Variants in PSMD14 observed in about 807,000 individuals in gnomAD.
The protein encoded by PSMD14 is proteasome 26S subunit, non-ATPase 14.
A neutral mutation model predicts 41.2 loss-of-function variants in PSMD14; 7 were observed. That is an observed-to-expected ratio of 0.17 (90% CI 0.10 to 0.32). PSMD14 has a LOEUF of 0.32. PSMD14 is among the 10% of genes least tolerant of loss of function. The pLI, the probability that PSMD14 is intolerant of heterozygous loss-of-function variation, is 1.00. For missense variants in PSMD14, 139 were observed against 375.6 expected (o/e 0.37, Z 5.21); for synonymous variants, 114 against 122.3 (o/e 0.93, Z 0.45).
At chr2:161,340,729 T>G (rs1682941090) in intron 3 of PSMD14, 1 of 1,601,718 alleles carries the variant, frequency 6.2e-7, no homozygotes, top group East Asian at 2.2e-5. Context: ...CTGCCCAGAC[T>G]CCTCTCTGGG....
rs948931947 is a variant in PSMD14, at chr2:161,324,946, C to T, written c.48+6073C>T. Among the ~76,000 whole-genome samples the T allele has an allele frequency of 2.6e-5, 4 of 152,088 alleles. No homozygotes were observed. The East Asian group carries it at 5.8e-4, about 22-fold the overall frequency. On this transcript the variant is annotated intron_variant, in intron 3 of 11. Coordinates refer to ENST00000409682, the MANE Select transcript of PSMD14 (RefSeq NM_005805.6). Reference sequence around the variant, plus strand: ...AAGAATCAGTGTGTGATTTGTCTGCCCTGGTAATAAACAACATCATGATGA... The same window carrying T: ...AAGAATCAGTGTGTGATTTGTCTGCTCTGGTAATAAACAACATCATGATGA...
At chr2:161,373,894 C>T (rs906357612) in intron 7 of PSMD14, among the ~76,000 whole-genome samples, 8 of 151,602 alleles carry the variant, frequency 5.3e-5, no homozygotes, top group African/African-American at 1.7e-4. Context: ...TGCTGTGAGC[C>T]AGGTATTGTG....
At chr2:161,359,628 A>T (rs878864079) in intron 3 of PSMD14, among the ~76,000 whole-genome samples, 1 of 152,204 alleles carries the variant, frequency 6.6e-6, no homozygotes, top group Admixed American at 6.5e-5. Flanking sequence ...ATGGGGAGAC[A>T]CTGAAGTGTT....
In PSMD14 at chr2:161,409,264, T is replaced by C. The variant is rs1574145816; in HGVS notation, c.834+365T>C. The stretch of plus-strand genomic sequence containing the variant: ...TTGTTAATCATGTACTTTATCAATA[T>C]GTAGGTAATATTCCTGAGAAAGGTT... On this transcript the variant is annotated intron_variant, in intron 11 of 11. Transcript: ENST00000409682. 2.6e-5 allele frequency among the ~76,000 whole-genome samples: 4 copies of C among 152,194 alleles called. No individual in the cohort carries two copies. The Middle Eastern group carries it at 0.01, about 388-fold the overall frequency.
chr2:161,331,208 T>C (rs6748704), intron 3 of PSMD14, among the ~76,000 whole-genome samples: 138,853 of 152,084 alleles, frequency 0.91, 63,435 homozygotes, highest in East Asian at 1. Context: ...TTTCTGGTTA[T>C]TGTATTCATT....
At chr2:161,388,597 C>A (rs751742303) in intron 8 of PSMD14, among the ~76,000 whole-genome samples, 1 of 152,022 alleles carries the variant, frequency 6.6e-6, no homozygotes, top group Non-Finnish European at 1.5e-5. Context: ...CATTTTGTTT[C>A]TTTTCAGTTA....
chr2:161,351,624 T>A (rs1361458388), intron 3 of PSMD14, among the ~76,000 whole-genome samples: 1 of 152,210 alleles, frequency 6.6e-6, no homozygotes, highest in Non-Finnish European at 1.5e-5. Context: ...TTCTATGGTG[T>A]GCTAGTCAGG....
At chr2:161,317,738 T>G (rs1689161318) in intron 2 of PSMD14, among the ~76,000 whole-genome samples, 1 of 152,214 alleles carries the variant, frequency 6.6e-6, no homozygotes, top group Non-Finnish European at 1.5e-5. Context: ...AGTTTTAGTT[T>G]ATATAGCAAT....
At chr2:161,336,853 G>C (rs1682879202) in intron 3 of PSMD14, among the ~76,000 whole-genome samples, 2 of 152,168 alleles carry the variant, frequency 1.3e-5, no homozygotes, top group South Asian at 2.1e-4. Flanking sequence ...GGGATTATAG[G>C]CGTGAGCCAC....
In PSMD14 at chr2:161,349,992, A is replaced by G. The variant is rs200094141; in HGVS notation, c.49-17486A>G. ...TGTAGATTTAATTTGTATTCTTTTCATAAGAGGGAACTGGGAATGTCCATT... is the reference window on the plus strand; with the variant it reads ...TGTAGATTTAATTTGTATTCTTTTCGTAAGAGGGAACTGGGAATGTCCATT... On this transcript the variant is annotated intron_variant, in intron 3 of 11. Transcript: ENST00000409682. Among the ~76,000 whole-genome samples, 10 of 152,364 alleles carry G rather than the reference A, an allele frequency of 6.6e-5. No individual in the cohort carries two copies. The East Asian group carries it at 1.9e-3, about 29-fold the overall frequency.
At chr2:161,373,853 T>C (rs141050961) in intron 7 of PSMD14, among the ~76,000 whole-genome samples, 1 of 152,118 alleles carries the variant, frequency 6.6e-6, no homozygotes, top group East Asian at 1.9e-4. Flanking sequence ...TTTTCTTTTA[T>C]GATGACTTGA....
intron 3 of PSMD14, among the ~76,000 whole-genome samples, chr2:161,326,470 G>A (rs1241720002): frequency 6.6e-6 from 1 of 152,182 alleles, no homozygotes; most frequent in Non-Finnish European, 1.5e-5. Context: ...ATGTAAAATG[G>A]TACAGATAAT....
intron 7 of PSMD14, among the ~76,000 whole-genome samples, chr2:161,379,493 A>T (rs1559050891): frequency 1.3e-5 from 2 of 151,938 alleles, no homozygotes; most frequent in African/African-American, 4.8e-5. Flanking sequence ...TTAAAGCGTC[A>T]CTCTCTAATT....
At chr2:161,403,441 G>A (rs1683908306) in intron 10 of PSMD14, among the ~76,000 whole-genome samples, 3 of 152,172 alleles carry the variant, frequency 2.0e-5, no homozygotes, top group East Asian at 1.9e-4. Flanking sequence ...TTCCTTTGGG[G>A]TAATGAAACG....
At chr2:161,316,378 A>G (rs1409660806) in intron 1 of PSMD14, 59 bp from the exon 2 acceptor site, 1 of 152,208 alleles carries the variant, frequency 6.6e-6, no homozygotes, top group Non-Finnish European at 1.5e-5. Context: ...ATTTTGGTAT[A>G]AAGTTTTCCT....
At chr2:161,398,671 G>T (rs1421949248) in intron 10 of PSMD14, among the ~76,000 whole-genome samples, 1 of 151,864 alleles carries the variant, frequency 6.6e-6, no homozygotes, top group Non-Finnish European at 1.5e-5. Context: ...AGCATGTAGT[G>T]CTATAAATTT....
intron 10 of PSMD14, among the ~76,000 whole-genome samples, chr2:161,401,682 C>G (rs778697282): frequency 6.6e-6 from 1 of 152,166 alleles, no homozygotes; most frequent in Non-Finnish European, 1.5e-5. Context: ...TTATTCATCT[C>G]TATTTCATGT....
chr2:161,407,634 A>G (rs1470006420), intron 10 of PSMD14: 1 of 152,098 alleles, frequency 6.6e-6, no homozygotes. Context: ...ATGTCTGATG[A>G]TTACATTTCC....
intron 7 of PSMD14, among the ~76,000 whole-genome samples, chr2:161,376,744 A>T (rs1481445374): frequency 1.3e-5 from 2 of 151,954 alleles, no homozygotes; most frequent in African/African-American, 4.8e-5. Flanking sequence ...TATTTTATTC[A>T]TCTGTCTGTG....
Sources: gnomAD v4.1 joint callset for allele counts (sites outside exome capture counted in the v4.1 genomes callset) on GRCh38, gnomAD v4.1.1 for gene constraint, MANE v1.5 for transcripts, NCBI Gene and HGNC (gene_info 2026-07-23, HGNC 2026-07-21) for gene names.